PRKCB: variants seen among roughly 807,000 people sequenced by gnomAD.
PRKCB encodes protein kinase C beta type.
Under a neutral mutation model 81.5 loss-of-function variants are expected in PRKCB, and 13 were observed. The observed-to-expected ratio is 0.16, with a 90% CI of 0.10 to 0.25. The LOEUF (loss-of-function observed/expected upper bound fraction) is 0.25. PRKCB is among the 10% of genes least tolerant of loss of function. PRKCB has a pLI of 1.00. For missense variants in PRKCB, 509 were observed against 875.7 expected (o/e 0.58, Z 5.29); for synonymous variants, 335 against 321.4 (o/e 1.04, Z -0.45).
At chr16:23,881,588 T>C (rs750072608) in intron 2 of PRKCB, among the ~76,000 whole-genome samples, 1 of 152,254 alleles carries the variant, frequency 6.6e-6, no homozygotes, top group Non-Finnish European at 1.5e-5. Context: ...TTATTCCTTT[T>C]AGACTATTTA....
intron 2 of PRKCB, among the ~76,000 whole-genome samples, chr16:23,974,514 G>C (rs1964600544): frequency 6.6e-6 from 1 of 152,188 alleles, no homozygotes; most frequent in African/African-American, 2.4e-5. Context: ...GATCAGGACT[G>C]AGGCAGGCCG....
intron 9 of PRKCB, among the ~76,000 whole-genome samples, chr16:24,128,925 T>C (rs1231823579): frequency 6.6e-6 from 1 of 152,118 alleles, no homozygotes; most frequent in Non-Finnish European, 1.5e-5. Context: ...ATTGCTGGAG[T>C]CAAAATTATG....
chr16:23,887,610 A>T (rs113366623), intron 2 of PRKCB, among the ~76,000 whole-genome samples: 31,702 of 152,186 alleles, frequency 0.21, 4,108 homozygotes, highest in South Asian at 0.44. Context: ...ATGGGCACCT[A>T]GGTGGATTCC....
intron 8 of PRKCB, among the ~76,000 whole-genome samples, chr16:24,115,492 C>G (rs779323710): frequency 1.3e-5 from 2 of 148,246 alleles, no homozygotes; most frequent in South Asian, 2.2e-4. Context: ...CAAAGAGTAT[C>G]TATCCCAAGG....
At chr16:23,932,820 C>T (rs1596478165) in intron 2 of PRKCB, among the ~76,000 whole-genome samples, 1 of 152,142 alleles carries the variant, frequency 6.6e-6, no homozygotes, top group East Asian at 1.9e-4. Flanking sequence ...TTTGCTTGAA[C>T]TGGGGGCTTT....
intron 16 of PRKCB, among the ~76,000 whole-genome samples, chr16:24,205,313 G>A (rs937057574): frequency 6.6e-6 from 1 of 151,550 alleles, no homozygotes; most frequent in East Asian, 2.0e-4. Flanking sequence ...CACCATGCCT[G>A]GCCAATTTTT....
At chr16:24,023,391 C>T (rs887394351) in intron 3 of PRKCB, among the ~76,000 whole-genome samples, 14 of 152,198 alleles carry the variant, frequency 9.2e-5, no homozygotes, top group South Asian at 2.1e-4. Flanking sequence ...TATTTTGAGA[C>T]GGAGTCTCGC....
intron 9 of PRKCB, among the ~76,000 whole-genome samples, chr16:24,140,299 A>G (rs403018): frequency 0.39 from 59,556 of 152,050 alleles, 12,007 homozygotes; most frequent in African/African-American, 0.49. Context: ...TTGGAAGTTT[A>G]GGAGAGCCTC....
intron 2 of PRKCB, among the ~76,000 whole-genome samples, chr16:23,855,279 C>T (rs1205298156): frequency 6.6e-6 from 1 of 152,100 alleles, no homozygotes; most frequent in Admixed American, 6.5e-5. Context: ...TGGTCAAGAG[C>T]ATGGGTTCAG....
chr16:23,942,746 A>G (rs899006429), intron 2 of PRKCB, among the ~76,000 whole-genome samples: 20 of 152,210 alleles, frequency 1.3e-4, no homozygotes, highest in African/African-American at 4.3e-4. Context: ...CTTCCTTCTT[A>G]TGCTTGACTA....
At chr16:24,113,316 G>C (rs111067698) in intron 8 of PRKCB, among the ~76,000 whole-genome samples, 2,515 of 130,548 alleles carry the variant, frequency 0.019, 42 homozygotes, top group African/African-American at 0.086. Context: ...CTTCCTTTCT[G>C]TCTTGCTTTC....
intron 2 of PRKCB, among the ~76,000 whole-genome samples, chr16:23,927,136 G>A (rs1963908534): frequency 6.6e-6 from 1 of 152,104 alleles, no homozygotes; most frequent in African/African-American, 2.4e-5. Flanking sequence ...CGCATGGTGT[G>A]AGCGTAGAGT....
At chr16:24,122,763 C>T (rs1966815735) in intron 8 of PRKCB, among the ~76,000 whole-genome samples, 1 of 152,184 alleles carries the variant, frequency 6.6e-6, no homozygotes, top group South Asian at 2.1e-4. Flanking sequence ...CCCAGCCACA[C>T]ATGAGCTTTT....
chr16:24,104,234 T>C (rs908631844), intron 7 of PRKCB, among the ~76,000 whole-genome samples: 9 of 152,356 alleles, frequency 5.9e-5, no homozygotes, highest in Middle Eastern at 3.4e-3. Flanking sequence ...TTTTGCCTTA[T>C]CTGTATATGG....
intron 3 of PRKCB, among the ~76,000 whole-genome samples, chr16:24,029,414 C>A (rs58260011): frequency 6.6e-6 from 1 of 152,114 alleles, no homozygotes; most frequent in Non-Finnish European, 1.5e-5. Flanking sequence ...CCCCTTTGCT[C>A]GGCACTTCTC....
intron 5 of PRKCB, among the ~76,000 whole-genome samples, chr16:24,071,275 A>C (rs1218829748): frequency 1.3e-5 from 2 of 151,948 alleles, no homozygotes; most frequent in Non-Finnish European, 2.9e-5. Context: ...GTATGGTAAG[A>C]GGAGCCTGAG....
chr16:24,177,811 A>G (rs1967557976), intron 12 of PRKCB, among the ~76,000 whole-genome samples: 1 of 152,204 alleles, frequency 6.6e-6, no homozygotes, highest in African/African-American at 2.4e-5. Context: ...TTCAGGCTGT[A>G]TAGACTCTTA....
intron 16 of PRKCB, among the ~76,000 whole-genome samples, chr16:24,210,470 C>G (rs1968122311): frequency 6.6e-6 from 1 of 151,902 alleles, no homozygotes. Flanking sequence ...AAAATGGCAT[C>G]ACTCTCACTC....
chr16:24,169,045 C>T (rs1408995441), intron 10 of PRKCB, among the ~76,000 whole-genome samples: 2 of 152,018 alleles, frequency 1.3e-5, no homozygotes, highest in African/African-American at 4.8e-5. Context: ...TTCATTCCAG[C>T]CCCTCAGTCA....
Sources: gnomAD v4.1 joint callset for allele counts (sites outside exome capture counted in the v4.1 genomes callset) on GRCh38, gnomAD v4.1.1 for gene constraint, MANE v1.5 for transcripts, NCBI Gene and HGNC (gene_info 2026-07-23, HGNC 2026-07-21) for gene names.